Variants in ZDHHC23 observed in about 807,000 individuals in gnomAD.
ZDHHC23 encodes the protein zDHHC palmitoyltransferase 23.
Under a neutral mutation model 40.2 loss-of-function variants are expected in ZDHHC23, and 41 were observed. That is an observed-to-expected ratio of 1.02 (90% CI 0.79 to 1.32). The LOEUF is 1.32. Ranked by LOEUF, ZDHHC23 falls within the 40% of genes most tolerant of loss-of-function variation. The pLI is 0.00. For synonymous variants in ZDHHC23, 204 were observed against 210.2 expected, an observed-to-expected ratio of 0.97 and a Z score of 0.26; for missense variants, 471 against 541.5, an observed-to-expected ratio of 0.87 and a Z score of 1.29.
intron 3 of ZDHHC23, among the ~76,000 whole-genome samples, chr3:113,955,849 A>C (rs1939177412): frequency 6.6e-6 from 1 of 152,220 alleles, no homozygotes; most frequent in African/African-American, 2.4e-5. Context: ...CGAAGAGTAG[A>C]GAATATAAGA....
intron 2 of ZDHHC23, among the ~76,000 whole-genome samples, chr3:113,950,109 GCT>G (rs1394156667): frequency 6.6e-6 from 1 of 152,088 alleles, no homozygotes; most frequent in African/African-American, 2.4e-5. Context: ...CATCTCCTCT[GCT>G]CTCTCTGTAC....
In ZDHHC23 at chr3:113,962,795, A is replaced by C. The variant is rs1434646698; in HGVS notation, c.*4165A>C. 1 of 152,018 alleles carries C rather than the reference A, an allele frequency of 6.6e-6. No homozygotes were observed. Among genetic ancestry groups the C allele is most frequent in the Non-Finnish European group, 1.5e-5 (1 of 68,002 alleles). The allele number at this position is 152,018 out of a possible 1,614,324, so 9.4% of individuals were successfully genotyped here. On this transcript the variant is annotated 3_prime_UTR_variant, in exon 5 of 5. Transcript: ENST00000638807. ...ACATTAAGGGGGATTTCTGAAGCCA[A>C]CTCCGGAGGCTGTGGGCTGCACATT... is the stretch of plus-strand genomic sequence containing the variant.
rs573365933 is a variant in ZDHHC23, at chr3:113,961,009, G to C, written c.*2379G>C. 1.2e-4 allele frequency: 50 copies of C among 400,150 alleles called. No individual in the cohort carries two copies. Among genetic ancestry groups the C allele is most frequent in the Non-Finnish European group, 1.8e-4 (41 of 229,790 alleles). 24.8% of individuals were successfully genotyped at this position (400,150 alleles called of 1,614,324 possible). On this transcript the variant is annotated 3_prime_UTR_variant, in exon 5 of 5. Transcript: ENST00000638807. Reference sequence around the variant, plus strand: ...GGATTTTGGAGCCTTTTATGATCTGGAACTATTTGAGGGGTTTCATTATAG... The same window carrying C: ...GGATTTTGGAGCCTTTTATGATCTGCAACTATTTGAGGGGTTTCATTATAG...
the ZDHHC23 span, among the ~76,000 whole-genome samples, chr3:113,972,707 TTTA>T: frequency 3.9e-5 from 6 of 152,120 alleles, no homozygotes; most frequent in Non-Finnish European, 8.8e-5. Flanking sequence ...TATCTCTCCC[TTTA>T]TTGTTTGCTT....
intron 4 of ZDHHC23, 41 bp from the exon 5 acceptor site, chr3:113,958,322 G>T: frequency 1.3e-6 from 2 of 1,550,408 alleles, no homozygotes; most frequent in South Asian, 2.4e-5. Context: ...TTCTGAATTT[G>T]ACAAAAACGG....
intron 4 of ZDHHC23, among the ~76,000 whole-genome samples, chr3:113,957,017 CTT>C: frequency 6.6e-6 from 1 of 152,268 alleles, no homozygotes; most frequent in South Asian, 2.1e-4. Flanking sequence ...TCCTGTTCTA[CTT>C]TCTTTCTTTT....
chr3:113,979,406 G>A, the ZDHHC23 span, among the ~76,000 whole-genome samples: 58 of 152,196 alleles, frequency 3.8e-4, no homozygotes, highest in Non-Finnish European at 5.9e-5. Flanking sequence ...CTGTCTAATT[G>A]AGGAAATGCC....
At chr3:113,976,306 CAGAG>C in the ZDHHC23 span, among the ~76,000 whole-genome samples, 48 of 151,068 alleles carry the variant, frequency 3.2e-4, no homozygotes, top group African/African-American at 4.6e-4. Flanking sequence ...ACAAAAAAGA[CAGAG>C]GGAGAATTAG....
chr3:113,967,381 CTT>C (rs1382099704), downstream of ZDHHC23, among the ~76,000 whole-genome samples: 1 of 115,344 alleles, frequency 8.7e-6, no homozygotes, highest in African/African-American at 2.9e-5. Flanking sequence ...CTACATTTCT[CTT>C]TCTTTCCCTA....
chr3:113,978,147 A>AAGTC, the ZDHHC23 span: 2 of 1,608,472 alleles, frequency 1.2e-6, no homozygotes, highest in Admixed American at 1.7e-5. Context: ...AGCAATTGTG[A>AAGTC]AGTCAGAGAG....
rs1377545076 is a variant in ZDHHC23, at chr3:113,959,570, C to G, written c.*940C>G. 1.6e-6 allele frequency: 2 copies of G among 1,241,706 alleles called. No individual in the cohort carries two copies. The highest frequency in any genetic ancestry group is 4.6e-5 in the Admixed American group (2 of 43,162). The allele number at this position is 1,241,706 out of a possible 1,614,324, so 76.9% of individuals were successfully genotyped here. A position where few individuals can be genotyped will look rare whatever the true frequency, so the allele number is the denominator to read the frequency against. ...TGTGGCTGGAAGAGGAGAACAGACA[C>G]TCCTGTGGGGATGCTTTACTCTCTT... On this transcript the variant is annotated 3_prime_UTR_variant, in exon 5 of 5. Transcript: ENST00000638807.
chr3:113,950,010 A>G (rs1938509218), intron 2 of ZDHHC23, among the ~76,000 whole-genome samples: 1 of 152,150 alleles, frequency 6.6e-6, no homozygotes, highest in African/African-American at 2.4e-5. Context: ...TGTTTCCATA[A>G]CCACCATCAC....
chr3:113,964,479 G>C (rs1359176890), downstream of ZDHHC23: 1 of 152,148 alleles, frequency 6.6e-6, no homozygotes, highest in African/African-American at 2.4e-5. Context: ...GTTGCAGGTG[G>C]GAGCATGAAC....
rs945351972 is a variant in ZDHHC23 at position 113,956,567 on chromosome 3, A to G, written c.1040+61A>G. On this transcript the variant is annotated intron_variant, in intron 4 of 4. Transcript: ENST00000638807. ...GGAAGTAATGGGTGTTGCCATTGAC[A>G]GGGACTATTACTACTTGGTTAGGAG... 7 of 1,509,762 alleles carry G rather than the reference A, an allele frequency of 4.6e-6. No individual in the cohort carries two copies. In the Admixed American group the frequency reaches 1.5e-4, roughly 32 times the overall value. The allele number at this position is 1,509,762 out of a possible 1,614,324, so 93.5% of individuals were successfully genotyped here.
intron 2 of ZDHHC23, among the ~76,000 whole-genome samples, chr3:113,952,896 G>A (rs1428711318): frequency 6.6e-6 from 1 of 152,168 alleles, no homozygotes; most frequent in African/African-American, 2.4e-5. Context: ...CTGCTCTCAT[G>A]ACCTAATACC....
rs1373784246 is a variant in ZDHHC23 at position 113,949,087 on chromosome 3, TGA to T, written c.161+128_161+129del. ...TGATTCTATTTCCAAGCATCTAAAA[TGA>T]GAGTTGGCTTCTGTGTCAAGTGTGA... On this transcript the variant is annotated intron_variant, in intron 2 of 4. Transcript: ENST00000638807. 8 of 1,302,684 alleles carry T rather than the reference TGA, an allele frequency of 6.1e-6. No individual in the cohort carries two copies. In the Admixed American group the frequency reaches 1.7e-4, roughly 28 times the overall value. 80.7% of individuals were successfully genotyped at this position (1,302,684 alleles called of 1,614,324 possible). A position where few individuals can be genotyped will look rare whatever the true frequency, so the allele number is the denominator to read the frequency against.
rs1462689343 is a variant in ZDHHC23 at position 113,962,143 on chromosome 3, T to C, written c.*3513T>C. Reference sequence around the variant, plus strand: ...TGGTTTTCTCAGCGGCAGCTTGACATGTGCACCCTTTTGTATTAAACACTG... The same window carrying C: ...TGGTTTTCTCAGCGGCAGCTTGACACGTGCACCCTTTTGTATTAAACACTG... On this transcript the variant is annotated 3_prime_UTR_variant, in exon 5 of 5. Coordinates refer to ENST00000638807, the MANE Select transcript of ZDHHC23 (RefSeq NM_001320466.2). 6.6e-6 allele frequency: 1 copy of C among 152,462 alleles called. No individual in the cohort carries two copies. Among genetic ancestry groups the C allele is most frequent in the Non-Finnish European group, 1.5e-5 (1 of 68,062 alleles). 9.4% of individuals were successfully genotyped at this position (152,462 alleles called of 1,614,324 possible). A position where few individuals can be genotyped will look rare whatever the true frequency, so the allele number is the denominator to read the frequency against.
At chr3:113,965,156 C>T (rs1327240682), downstream of ZDHHC23, 1 of 1,591,568 alleles carries the variant, frequency 6.3e-7, no homozygotes, top group Non-Finnish European at 8.6e-7. Flanking sequence ...TAATCTGGCT[C>T]ATTCGTTCAC....
chr3:113,958,097 G>A (rs1939404482), intron 4 of ZDHHC23, among the ~76,000 whole-genome samples: 1 of 152,154 alleles, frequency 6.6e-6, no homozygotes, highest in African/African-American at 2.4e-5. Flanking sequence ...CGTGCTGGGT[G>A]TGTGGAGGGT....
Sources: gnomAD v4.1 joint callset for allele counts (sites outside exome capture counted in the v4.1 genomes callset) on GRCh38, gnomAD v4.1.1 for gene constraint, MANE v1.5 for transcripts, NCBI Gene and HGNC (gene_info 2026-07-23, HGNC 2026-07-21) for gene names.